The following RBFOX1 variants were observed in gnomAD, a reference collection of about 807,000 sequenced individuals.
RBFOX1 encodes RNA binding fox-1 homolog 1.
In RBFOX1, 8 loss-of-function variants were observed where a neutral mutation model predicts 57.7. That is an observed-to-expected ratio of 0.14 (90% confidence interval 0.08 to 0.25). The LOEUF (loss-of-function observed/expected upper bound fraction) is 0.25, where lower values mean the gene tolerates loss of function less well. RBFOX1 is among the 10% of genes least tolerant of loss of function. RBFOX1 has a pLI of 1.00. For missense variants in RBFOX1, 611 were observed against 548.5 expected (o/e 1.11, Z -1.14); for synonymous variants, 326 against 222.4 (o/e 1.47, Z -4.15).
chr16:7,004,866 G>A (rs2093160163), intron 3 of RBFOX1, among the ~76,000 whole-genome samples: 3 of 152,122 alleles, frequency 2.0e-5, no homozygotes, highest in African/African-American at 7.2e-5. Flanking sequence ...CTTGAGCAAA[G>A]AGGCCAGGTG....
chr16:5,264,450 A>G (rs2062810951), intron 1 of RBFOX1, among the ~76,000 whole-genome samples: 1 of 152,190 alleles, frequency 6.6e-6, no homozygotes, highest in South Asian at 2.1e-4. Flanking sequence ...TAAAATGTTC[A>G]TGGGTCAAGG....
At chr16:5,919,101 A>G (rs1230072111) in intron 4 of RBFOX1, among the ~76,000 whole-genome samples, 9 of 152,166 alleles carry the variant, frequency 5.9e-5, no homozygotes, top group African/African-American at 1.9e-4. Flanking sequence ...CTGATAGCAC[A>G]TAGGTACCTG....
At chr16:6,921,740 C>A (rs1001312209) in intron 3 of RBFOX1, among the ~76,000 whole-genome samples, 15 of 150,898 alleles carry the variant, frequency 9.9e-5, no homozygotes, top group African/African-American at 3.4e-4. Flanking sequence ...TATATATGAG[C>A]ATATGTATGT....
intron 1 of RBFOX1, among the ~76,000 whole-genome samples, chr16:5,463,635 A>G (rs1222495944): frequency 6.6e-6 from 1 of 151,986 alleles, no homozygotes; most frequent in Non-Finnish European, 1.5e-5. Context: ...CCCTGTGTCC[A>G]CTAAAAATAC....
At chr16:7,296,135 C>G (rs1328075364) in intron 4 of RBFOX1, among the ~76,000 whole-genome samples, 1 of 151,218 alleles carries the variant, frequency 6.6e-6, no homozygotes, top group Non-Finnish European at 1.5e-5. Context: ...TCATTGGATT[C>G]TGTAATGACA....
intron 4 of RBFOX1, among the ~76,000 whole-genome samples, chr16:7,490,975 C>A (rs1333324809): frequency 1.3e-5 from 2 of 152,146 alleles, no homozygotes; most frequent in African/African-American, 4.8e-5. Flanking sequence ...CACTGGAGAT[C>A]TCTTCATCAT....
chr16:6,869,230 C>A (rs912502137), intron 3 of RBFOX1, among the ~76,000 whole-genome samples: 1 of 152,170 alleles, frequency 6.6e-6, no homozygotes, highest in African/African-American at 2.4e-5. Context: ...CACTTGCTGA[C>A]CACCTATATG....
intron 3 of RBFOX1, among the ~76,000 whole-genome samples, chr16:6,964,075 G>A (rs573467134): frequency 2.8e-4 from 43 of 151,324 alleles, no homozygotes; most frequent in Admixed American, 5.3e-4. Flanking sequence ...CTGGAGTGCA[G>A]TGGTGCATTC....
intron 2 of RBFOX1, among the ~76,000 whole-genome samples, chr16:6,618,751 C>G (rs1015931282): frequency 6.6e-6 from 1 of 152,146 alleles, no homozygotes; most frequent in African/African-American, 2.4e-5. Flanking sequence ...GCTGGCTGCT[C>G]ATGGTAAACA....
intron 1 of RBFOX1, among the ~76,000 whole-genome samples, chr16:5,284,306 T>G (rs1761813108): frequency 6.6e-6 from 1 of 152,190 alleles, no homozygotes; most frequent in Non-Finnish European, 1.5e-5. Context: ...GTGTTCCTTT[T>G]TTCCCTCATT....
chr16:5,279,506 A>G (rs539822105), intron 1 of RBFOX1, among the ~76,000 whole-genome samples: 98 of 151,618 alleles, frequency 6.5e-4, no homozygotes, highest in African/African-American at 2.3e-3. Flanking sequence ...ATTTTTTTTT[A>G]TTTTTTATTT....
At chr16:6,893,945 C>A (rs1297190885) in intron 3 of RBFOX1, among the ~76,000 whole-genome samples, 1 of 152,132 alleles carries the variant, frequency 6.6e-6, no homozygotes, top group Non-Finnish European at 1.5e-5. Flanking sequence ...ATAGAGAGAA[C>A]ATGATAATTA....
chr16:6,719,469 C>G (rs950416203), intron 3 of RBFOX1, among the ~76,000 whole-genome samples: 1 of 150,040 alleles, frequency 6.7e-6, no homozygotes, highest in Non-Finnish European at 1.5e-5. Flanking sequence ...GAGACAGAGT[C>G]TTGCTCTGTC....
intron 1 of RBFOX1, among the ~76,000 whole-genome samples, chr16:5,304,322 C>T (rs1269622260): frequency 1.3e-5 from 2 of 152,216 alleles, no homozygotes; most frequent in African/African-American, 4.8e-5. Context: ...AATCAGGAGG[C>T]TCCTAAGTGG....
At chr16:5,955,331 T>C (rs150303811) in intron 4 of RBFOX1, among the ~76,000 whole-genome samples, 1 of 45,784 alleles carries the variant, frequency 2.2e-5, no homozygotes, top group Non-Finnish European at 4.1e-5. Context: ...TAAAATAAAA[T>C]AAAATAAAAT....
chr16:7,059,254 C>T (rs185985564), intron 4 of RBFOX1, among the ~76,000 whole-genome samples: 3 of 152,174 alleles, frequency 2.0e-5, no homozygotes, highest in East Asian at 1.9e-4. Context: ...GTGGCTCTTA[C>T]GATAGCACGG....
chr16:7,381,032 G>C (rs2097774514), intron 4 of RBFOX1, among the ~76,000 whole-genome samples: 2 of 152,184 alleles, frequency 1.3e-5, no homozygotes, highest in South Asian at 2.1e-4. Flanking sequence ...TTGGTATTTT[G>C]TCTACATGAG....
At chr16:5,464,424 A>G (rs1303934977) in intron 1 of RBFOX1, among the ~76,000 whole-genome samples, 1 of 152,190 alleles carries the variant, frequency 6.6e-6, no homozygotes, top group Non-Finnish European at 1.5e-5. Context: ...CAGAGAGGGG[A>G]CACGACAGAG....
chr16:7,410,345 T>C (rs1425335158), intron 4 of RBFOX1, among the ~76,000 whole-genome samples: 2 of 152,210 alleles, frequency 1.3e-5, no homozygotes, highest in East Asian at 3.9e-4. Context: ...ATTTGCCCAA[T>C]GACACTAAAT....
Sources: gnomAD v4.1 joint callset for allele counts (sites outside exome capture counted in the v4.1 genomes callset) on GRCh38, gnomAD v4.1.1 for gene constraint, MANE v1.5 for transcripts, NCBI Gene and HGNC (gene_info 2026-07-23, HGNC 2026-07-21) for gene names.